Variants in PHF20 observed in about 807,000 individuals in gnomAD.
PHF20 encodes glioma-expressed antigen 2.
Under a neutral mutation model 113.5 loss-of-function variants are expected in PHF20, and 23 were observed. The ratio of observed to expected loss-of-function variants is 0.20; its 90% confidence interval spans 0.15 to 0.29. The LOEUF is 0.29. PHF20 is among the 10% of genes least tolerant of loss of function. The pLI is 1.00. For missense variants in PHF20, 943 were observed against 1,219.6 expected (o/e 0.77, Z 3.38); for synonymous variants, 434 against 457.3 (o/e 0.95, Z 0.65).
At chr20:35,863,508 A>G in intron 6 of PHF20, 108 bp downstream of exon 6, 1 of 1,154,152 alleles carries the variant, frequency 8.7e-7, no homozygotes, top group Non-Finnish European at 1.2e-6. Flanking sequence ...TTTGTGACTG[A>G]TTTTGAATTG....
intron 2 of PHF20, 143 bp downstream of exon 2, chr20:35,801,748 C>T (rs1018507663): frequency 8.4e-6 from 5 of 592,588 alleles, no homozygotes; most frequent in South Asian, 2.0e-5. Flanking sequence ...AGTCTTTTCT[C>T]TTTGATGCAG....
intron 12 of PHF20, 63 bp downstream of exon 12, chr20:35,914,260 G>A: frequency 6.6e-7 from 1 of 1,522,980 alleles, no homozygotes. Flanking sequence ...AAGCATACCT[G>A]GGAGATATTA....
intron 5 of PHF20, among the ~76,000 whole-genome samples, chr20:35,858,761 C>CG (rs11301142): frequency 7.2e-5 from 11 of 152,008 alleles, no homozygotes; most frequent in African/African-American, 2.7e-4. Context: ...TTAGTAGAGA[C>CG]GGGGTTTCAC....
chr20:35,870,922 C>G (rs375315836), intron 7 of PHF20, 33 bp from the exon 8 acceptor site: 4 of 1,512,126 alleles, frequency 2.6e-6, no homozygotes, highest in Non-Finnish European at 3.6e-6. Context: ...TCTTGTTGGT[C>G]TCTTGACTAC....
At chr20:35,931,520 A>G in intron 15 of PHF20, 76 bp downstream of exon 15, 1 of 1,085,438 alleles carries the variant, frequency 9.2e-7, no homozygotes, top group Non-Finnish European at 1.3e-6. Context: ...GAGAAATTGG[A>G]AAGCTACCAA....
chr20:35,799,901 G>A (rs899879831), intron 1 of PHF20, among the ~76,000 whole-genome samples: 1 of 152,102 alleles, frequency 6.6e-6, no homozygotes, highest in Non-Finnish European at 1.5e-5. Context: ...TCCTGACCTT[G>A]TGATCCGCCT....
At chr20:35,776,492 A>G in intron 1 of PHF20, among the ~76,000 whole-genome samples, 1 of 152,170 alleles carries the variant, frequency 6.6e-6, no homozygotes, top group East Asian at 1.9e-4. Flanking sequence ...AATCTATTCT[A>G]AGTCTCAAGT....
chr20:35,812,521 A>G (rs1172349365), intron 2 of PHF20, among the ~76,000 whole-genome samples: 1 of 152,158 alleles, frequency 6.6e-6, no homozygotes, highest in Non-Finnish European at 1.5e-5. Flanking sequence ...GTTTAGTCAC[A>G]TTGTTTTATC....
intron 10 of PHF20, among the ~76,000 whole-genome samples, chr20:35,909,877 A>G (rs1020725537): frequency 7.2e-5 from 11 of 152,110 alleles, no homozygotes; most frequent in African/African-American, 2.4e-4. Context: ...AGTCAGACCA[A>G]TTTGCTTTTA....
intron 6 of PHF20, among the ~76,000 whole-genome samples, chr20:35,864,535 C>A (rs1040562153): frequency 2.0e-5 from 3 of 151,944 alleles, no homozygotes; most frequent in Non-Finnish European, 4.4e-5. Flanking sequence ...AGCCAGTCTT[C>A]CTTATCAAAT....
At chr20:35,801,704 A>G (rs2041784812) in intron 2 of PHF20, 99 bp downstream of exon 2, 7 of 705,244 alleles carry the variant, frequency 9.9e-6, no homozygotes, top group African/African-American at 1.8e-5. Context: ...GTGTTTTTCT[A>G]CTTCCTGACT....
intron 2 of PHF20, among the ~76,000 whole-genome samples, chr20:35,836,954 G>T (rs1291286178): frequency 6.6e-6 from 1 of 152,004 alleles, no homozygotes; most frequent in Non-Finnish European, 1.5e-5. Context: ...GCGATCGCTT[G>T]AGCCCAGGAA....
chr20:35,876,474 G>C (rs532395643), intron 9 of PHF20, among the ~76,000 whole-genome samples: 1 of 152,130 alleles, frequency 6.6e-6, no homozygotes, highest in African/African-American at 2.4e-5. Flanking sequence ...GGGAGGCTGA[G>C]GCAGGAGAGT....
At chr20:35,819,399 G>A (rs942121001) in intron 2 of PHF20, among the ~76,000 whole-genome samples, 2 of 151,968 alleles carry the variant, frequency 1.3e-5, no homozygotes, top group African/African-American at 4.8e-5. Flanking sequence ...GAAGTAGGCT[G>A]GCCTTCCCTG....
At chr20:35,848,267 T>C (rs958121880) in intron 4 of PHF20, among the ~76,000 whole-genome samples, 1 of 152,156 alleles carries the variant, frequency 6.6e-6, no homozygotes, top group Admixed American at 6.5e-5. Flanking sequence ...GAATGATTTT[T>C]TTTTTCTTGT....
At chr20:35,891,859 A>G (rs139905669) in intron 9 of PHF20, among the ~76,000 whole-genome samples, 2 of 151,746 alleles carry the variant, frequency 1.3e-5, no homozygotes, top group Admixed American at 6.6e-5. Flanking sequence ...TATTTTTTAT[A>G]TATTATTTAT....
At chr20:35,913,374 T>G (rs1402214684) in intron 11 of PHF20, 27 bp downstream of exon 11, 1 of 1,474,274 alleles carries the variant, frequency 6.8e-7, no homozygotes, top group Non-Finnish European at 9.4e-7. Flanking sequence ...AGGGTTTCAC[T>G]TAGGTTTCCT....
At chr20:35,828,533 G>T (rs1424472027) in intron 2 of PHF20, among the ~76,000 whole-genome samples, 1 of 152,174 alleles carries the variant, frequency 6.6e-6, no homozygotes, top group East Asian at 1.9e-4. Flanking sequence ...GTAGTATTAG[G>T]CAGCTTAATT....
intron 2 of PHF20, among the ~76,000 whole-genome samples, chr20:35,809,952 G>A (rs1039000642): frequency 1.3e-5 from 2 of 152,170 alleles, no homozygotes; most frequent in South Asian, 2.1e-4. Context: ...TTTTTGAGAC[G>A]GAGTTTTGCT....
Sources: allele counts gnomAD v4.1 joint callset (sites outside exome capture counted in the v4.1 genomes callset), GRCh38; gene constraint gnomAD v4.1.1; transcripts MANE v1.5; gene names NCBI Gene and HGNC (gene_info 2026-07-23, HGNC 2026-07-21).